Variants in DIXDC1 observed in about 807,000 individuals in gnomAD.
DIXDC1 encodes dixin.
In DIXDC1, 64 loss-of-function variants were observed where a neutral mutation model predicts 103.1. That is an observed-to-expected ratio of 0.62 (90% CI 0.51 to 0.76). The LOEUF (loss-of-function observed/expected upper bound fraction) is 0.76, where lower values mean the gene tolerates loss of function less well. Among genes scored for constraint, DIXDC1 ranks in the 30% least tolerant of loss-of-function variants. The pLI is 0.00. For missense variants in DIXDC1, 759 were observed against 834.2 expected (o/e 0.91, Z 1.11); for synonymous variants, 266 against 298.5 (o/e 0.89, Z 1.12).
chr11:111,974,031 GAT>G lies in DIXDC1; in HGVS notation c.326_327del (p.Asp109GlyfsTer60). 2 of 1,613,868 alleles carry G rather than the reference GAT, an allele frequency of 1.2e-6. No homozygotes were observed. The highest frequency in any genetic ancestry group is 1.7e-6 in the Non-Finnish European group (2 of 1,179,890). ...MHQTSAKDIV[D>X]GNLKSIMRLV... is the part of the protein sequence containing the mutation. ...TCCGTTTTATCCTTCAGATATTGTG[GAT>G]GGAAACCTGAAGTCTATCATGAGGC... is the stretch of plus-strand genomic sequence containing the variant. On this transcript the variant is annotated frameshift_variant, in exon 4 of 20. Coordinates refer to ENST00000440460, the MANE Select transcript of DIXDC1 (RefSeq NM_001037954.4). LOFTEE classifies it high-confidence loss of function.
chr11:112,017,514 C>T lies in DIXDC1; in HGVS notation c.1863-263C>T, dbSNP rs1861630525. On this transcript the variant is annotated intron_variant, in intron 18 of 19. Transcript: ENST00000440460. The surrounding 1 kb of genome is among the most constrained non-coding windows in gnomAD (Gnocchi z 4.0). ...TTTCAGGGACTTTATATCTTATTTC[C>T]AGAGAAAAGTGATTTGGCTTCTGAA... 8.3e-6 allele frequency: 2 copies of T among 241,404 alleles called. No homozygotes were observed. The highest frequency in any genetic ancestry group is 9.3e-5 in the South Asian group (1 of 10,706). 15.0% of individuals were successfully genotyped at this position (241,404 alleles called of 1,614,324 possible).
chr11:111,937,141 G>GGGGGGGT, upstream of DIXDC1: 9 of 751,988 alleles, frequency 1.2e-5, no homozygotes, highest in Non-Finnish European at 1.3e-5. Flanking sequence ...CGGGGGGGGG[G>GGGGGGGT]TGTGCGCGTG....
At chr11:111,948,199 G>C (rs1226262826) in intron 1 of DIXDC1, among the ~76,000 whole-genome samples, 1 of 152,120 alleles carries the variant, frequency 6.6e-6, no homozygotes, top group African/African-American at 2.4e-5. Context: ...GGCCACACTT[G>C]AAACTTACTC....
intron 17 of DIXDC1, chr11:112,015,588 G>C (rs1555177605): frequency 6.6e-6 from 1 of 152,076 alleles, no homozygotes; most frequent in Admixed American, 6.5e-5. Flanking sequence ...GATTACTTGA[G>C]GCAGGGAGTT....
intron 1 of DIXDC1, among the ~76,000 whole-genome samples, chr11:111,953,096 A>G (rs919008808): frequency 1.6e-4 from 25 of 152,252 alleles, no homozygotes; most frequent in Non-Finnish European, 3.2e-4. Flanking sequence ...GTTAGAAAGA[A>G]AAGTACAAAT....
At chr11:111,997,789 T>C (rs1860949639) in intron 17 of DIXDC1, among the ~76,000 whole-genome samples, 1 of 152,220 alleles carries the variant, frequency 6.6e-6, no homozygotes, top group Non-Finnish European at 1.5e-5. Flanking sequence ...TACAAATAAA[T>C]CTATAGCTGC....
intron 17 of DIXDC1, among the ~76,000 whole-genome samples, chr11:112,005,953 C>T (rs139564729): frequency 0.011 from 1,662 of 152,252 alleles, 36 homozygotes; most frequent in African/African-American, 0.038. Flanking sequence ...GTGTAGCCCA[C>T]GGAGGGTGAA....
rs954527669 is a variant in DIXDC1, at chr11:111,998,780, C to T, written c.1756+2634C>T. ...AACTCTTGAGCTCAGGCAATCCACC[C>T]ACCCCGGCCTCCCAAAGTGCTGGGA... On this transcript the variant is annotated intron_variant, in intron 17 of 19. Coordinates refer to ENST00000440460, the MANE Select transcript of DIXDC1 (RefSeq NM_001037954.4). This position sits in a 1 kb window ranked among gnomAD's most constrained non-coding sequence, Gnocchi z 4.1. 1.3e-5 allele frequency among the ~76,000 whole-genome samples: 2 copies of T among 152,174 alleles called. No homozygotes were observed. The highest frequency in any genetic ancestry group is 4.8e-5 in the African/African-American group (2 of 41,438).
intron 7 of DIXDC1, 91 bp downstream of exon 7, chr11:111,982,578 A>G (rs998704785): frequency 1.4e-6 from 2 of 1,403,514 alleles, no homozygotes; most frequent in Non-Finnish European, 9.7e-7. Flanking sequence ...TTAGTTTTCT[A>G]GGAGGTCAGA....
At chr11:111,990,018 C>A (rs1375939730) in intron 10 of DIXDC1, among the ~76,000 whole-genome samples, 2 of 151,100 alleles carry the variant, frequency 1.3e-5, no homozygotes, top group Non-Finnish European at 2.9e-5. Context: ...TCTCCATCTC[C>A]TGACCTTGTG....
chr11:112,016,654 A>G, intron 17 of DIXDC1, 37 bp from the exon 18 acceptor site: 1 of 1,515,632 alleles, frequency 6.6e-7, no homozygotes. Flanking sequence ...GTTTAGAGCA[A>G]ATGAATGTTC....
intron 17 of DIXDC1, among the ~76,000 whole-genome samples, chr11:112,002,605 AC>A (rs1477996394): frequency 5.9e-5 from 9 of 152,258 alleles, no homozygotes; most frequent in Admixed American, 5.9e-4. Flanking sequence ...AGCCTGGGCA[AC>A]AGAGCAAGAC....
At chr11:111,941,107 G>A (rs1420177032) in intron 1 of DIXDC1, among the ~76,000 whole-genome samples, 1 of 152,168 alleles carries the variant, frequency 6.6e-6, no homozygotes, top group Non-Finnish European at 1.5e-5. Context: ...TTAGATGACA[G>A]AGACCCATCT....
rs141526739 is a variant in DIXDC1, at chr11:111,974,619, T to C, written c.549-257T>C. Among the ~76,000 whole-genome samples, 250 of 152,278 alleles carry C rather than the reference T, an allele frequency of 1.6e-3. 2 individuals carry two copies. Among genetic ancestry groups the C allele is most frequent in the African/African-American group, 5.6e-3 (231 of 41,544 alleles). On this transcript the variant is annotated intron_variant, in intron 4 of 19. Transcript: ENST00000440460. ...GAATGTACCCAAAGGTCAGGTTGTC[T>C]TGGGAGTCATGGCAGGAAATGCTTT...
intron 1 of DIXDC1, among the ~76,000 whole-genome samples, chr11:111,953,933 G>T (rs944149518): frequency 6.6e-6 from 1 of 151,854 alleles, no homozygotes; most frequent in Non-Finnish European, 1.5e-5. Context: ...AAAGAAACGC[G>T]TCTGTACTGA....
At chr11:111,974,849 C>CAGT in intron 4 of DIXDC1, 27 bp from the exon 5 acceptor site, 1 of 1,609,306 alleles carries the variant, frequency 6.2e-7, no homozygotes, top group Non-Finnish European at 8.5e-7. Flanking sequence ...CTGACACCTT[C>CAGT]CCTTTGCTGG....
chr11:112,002,916 A>C (rs1555176161), intron 17 of DIXDC1, among the ~76,000 whole-genome samples: 4 of 152,282 alleles, frequency 2.6e-5, no homozygotes. Context: ...ATAACGAAGC[A>C]TAAAATCCTT....
chr11:111,935,008 A>G (rs1555167999), upstream of DIXDC1, among the ~76,000 whole-genome samples: 3 of 152,240 alleles, frequency 2.0e-5, no homozygotes, highest in African/African-American at 7.2e-5. Flanking sequence ...GATATAGAAC[A>G]TTTCCATCTT....
chr11:112,017,579 T>TA lies in DIXDC1; in HGVS notation c.1863-196dup. On this transcript the variant is annotated intron_variant, in intron 18 of 19. Transcript: ENST00000440460. The surrounding 1 kb of genome is among the most constrained non-coding windows in gnomAD (Gnocchi z 4.0). ...TTAAATTCTCACATCACCCCATATT[T>TA]AATACTGTTTTCATTCCCTAGTGAT... is the stretch of plus-strand genomic sequence containing the variant. The TA allele has an allele frequency of 5.0e-6, 2 of 398,886 alleles. No homozygotes were observed. The highest frequency in any genetic ancestry group is 9.2e-6 in the Non-Finnish European group (2 of 218,216). 24.7% of individuals were successfully genotyped at this position (398,886 alleles called of 1,614,324 possible).
Sources: allele counts gnomAD v4.1 joint callset (sites outside exome capture counted in the v4.1 genomes callset), GRCh38; gene constraint gnomAD v4.1.1; non-coding constraint Gnocchi (gnomAD v3.1); transcripts MANE v1.5; gene names NCBI Gene and HGNC (gene_info 2026-07-23, HGNC 2026-07-21).